MACROD2: variants seen among roughly 807,000 people sequenced by gnomAD.
MACROD2 encodes the protein mono-ADP ribosylhydrolase 2.
A neutral mutation model predicts 70.4 loss-of-function variants in MACROD2; 36 were observed. The ratio of observed to expected loss-of-function variants is 0.51; its 90% CI spans 0.39 to 0.68. MACROD2 has a LOEUF of 0.68. Ranked by LOEUF, MACROD2 falls within the 30% of genes least tolerant of loss-of-function variation. The pLI, the probability that MACROD2 is intolerant of heterozygous loss-of-function variation, is 0.00. For missense variants in MACROD2, 496 were observed against 538.4 expected (o/e 0.92, Z 0.78); for synonymous variants, 172 against 178.8 (o/e 0.96, Z 0.30).
At chr20:15,816,426 T>C (rs1250804488) in intron 8 of MACROD2, among the ~76,000 whole-genome samples, 1 of 152,120 alleles carries the variant, frequency 6.6e-6, no homozygotes, top group Non-Finnish European at 1.5e-5. Flanking sequence ...AACACTTACC[T>C]ATCCATACAT....
At chr20:14,293,501 T>TG (rs995855394) in intron 3 of MACROD2, among the ~76,000 whole-genome samples, 1 of 151,272 alleles carries the variant, frequency 6.6e-6, no homozygotes, top group Non-Finnish European at 1.5e-5. Context: ...TGTGAAGATC[T>TG]GGGGGAAAAA....
At chr20:14,183,443 G>C (rs867882287) in intron 3 of MACROD2, among the ~76,000 whole-genome samples, 3 of 151,994 alleles carry the variant, frequency 2.0e-5, no homozygotes, top group Non-Finnish European at 2.9e-5. Context: ...ATGGCATTTA[G>C]GTTGATTCCA....
At chr20:14,321,506 T>G (rs2082660405) in intron 3 of MACROD2, among the ~76,000 whole-genome samples, 1 of 152,226 alleles carries the variant, frequency 6.6e-6, no homozygotes, top group African/African-American at 2.4e-5. Context: ...AAGTACGGTG[T>G]TTGTAATTCT....
chr20:15,007,964 G>GT (rs1386385333), intron 5 of MACROD2, among the ~76,000 whole-genome samples: 1 of 152,222 alleles, frequency 6.6e-6, no homozygotes, highest in Non-Finnish European at 1.5e-5. Flanking sequence ...GATCTGGAGG[G>GT]TTTTGCTGTT....
chr20:14,279,894 G>A (rs2082292599), intron 3 of MACROD2, among the ~76,000 whole-genome samples: 1 of 152,088 alleles, frequency 6.6e-6, no homozygotes, highest in Non-Finnish European at 1.5e-5. Flanking sequence ...TTGTCACATG[G>A]GGATTCAATC....
intron 3 of MACROD2, among the ~76,000 whole-genome samples, chr20:14,207,599 T>G (rs1434461113): frequency 1.3e-5 from 2 of 152,228 alleles, no homozygotes; most frequent in Non-Finnish European, 2.9e-5. Context: ...GAATTCCTTG[T>G]GAAAACTCGA....
intron 8 of MACROD2, among the ~76,000 whole-genome samples, chr20:15,794,591 T>C (rs1240331880): frequency 1.3e-5 from 2 of 152,218 alleles, no homozygotes; most frequent in African/African-American, 4.8e-5. Context: ...TCATTAGCTA[T>C]TCTGGCTGAT....
At chr20:15,678,413 G>C (rs1232687785) in intron 8 of MACROD2, among the ~76,000 whole-genome samples, 1 of 151,558 alleles carries the variant, frequency 6.6e-6, no homozygotes, top group Non-Finnish European at 1.5e-5. Context: ...AGGCTGGAGT[G>C]CAGTGGCATG....
chr20:15,360,053 C>A (rs1385060653), intron 6 of MACROD2, among the ~76,000 whole-genome samples: 1 of 152,174 alleles, frequency 6.6e-6, no homozygotes, highest in Admixed American at 6.5e-5. Context: ...TCTATCTACC[C>A]TCTCTATAAT....
At chr20:15,740,732 C>A (rs75051109) in intron 8 of MACROD2, among the ~76,000 whole-genome samples, 1 of 151,286 alleles carries the variant, frequency 6.6e-6, no homozygotes, top group African/African-American at 2.4e-5. Context: ...TAATGCAATG[C>A]ATGGTGACAC....
At chr20:14,338,650 G>A (rs2082978868) in intron 3 of MACROD2, among the ~76,000 whole-genome samples, 1 of 152,004 alleles carries the variant, frequency 6.6e-6, no homozygotes, top group South Asian at 2.1e-4. Context: ...GCTGATCTGA[G>A]CATGGGTTTA....
intron 5 of MACROD2, among the ~76,000 whole-genome samples, chr20:14,953,001 A>G (rs1463930794): frequency 6.6e-6 from 1 of 152,074 alleles, no homozygotes; most frequent in Non-Finnish European, 1.5e-5. Flanking sequence ...AGAGGGAGAA[A>G]TTGAATATGC....
chr20:14,215,072 ATTCCATCATATATATC>A (rs2081604623), intron 3 of MACROD2, among the ~76,000 whole-genome samples: 3 of 1,348 alleles, frequency 2.2e-3, no homozygotes, highest in Non-Finnish European at 6.9e-3. Context: ...TCATATATCT[ATTCCATCATATATATC>A]TATTCCATCA....
At chr20:15,757,570 A>G (rs2051365810) in intron 8 of MACROD2, among the ~76,000 whole-genome samples, 1 of 152,196 alleles carries the variant, frequency 6.6e-6, no homozygotes, top group Admixed American at 6.5e-5. Flanking sequence ...TGTAGAAAAT[A>G]CCTCCATGAG....
chr20:15,430,414 C>T (rs2046349813), intron 6 of MACROD2, among the ~76,000 whole-genome samples: 2 of 151,830 alleles, frequency 1.3e-5, no homozygotes, highest in Admixed American at 1.3e-4. Flanking sequence ...ACCAATAGTC[C>T]ACAACACATT....
At chr20:15,141,367 T>C (rs426956) in intron 5 of MACROD2, among the ~76,000 whole-genome samples, 87,458 of 148,856 alleles carry the variant, frequency 0.59, 25,920 homozygotes, top group East Asian at 0.63. Flanking sequence ...TGCATTCAGG[T>C]ACTCGCATAC....
At chr20:15,525,127 G>A (rs1018832462) in intron 8 of MACROD2, among the ~76,000 whole-genome samples, 4 of 152,180 alleles carry the variant, frequency 2.6e-5, no homozygotes, top group African/African-American at 4.8e-5. Context: ...GTGCCTTACT[G>A]TTGGCTCATA....
At chr20:14,615,580 G>T (rs1320477338) in intron 4 of MACROD2, among the ~76,000 whole-genome samples, 1 of 152,084 alleles carries the variant, frequency 6.6e-6, no homozygotes, top group Non-Finnish European at 1.5e-5. Flanking sequence ...AGAGGTAATG[G>T]TGGGGAGGTA....
intron 5 of MACROD2, among the ~76,000 whole-genome samples, chr20:14,706,492 G>A (rs547498180): frequency 9.1e-4 from 138 of 151,922 alleles, no homozygotes; most frequent in African/African-American, 3.2e-3. Flanking sequence ...AGTACCTGAG[G>A]GTATTATTAC....
Sources: gnomAD v4.1 joint callset for allele counts (sites outside exome capture counted in the v4.1 genomes callset) on GRCh38, gnomAD v4.1.1 for gene constraint, MANE v1.5 for transcripts, NCBI Gene and HGNC (gene_info 2026-07-23, HGNC 2026-07-21) for gene names.